The following ADGRD1 variants were observed in gnomAD, a reference collection of about 807,000 sequenced individuals.
The protein encoded by ADGRD1 is adhesion G protein-coupled receptor D1.
In ADGRD1, 77 loss-of-function variants were observed where a neutral mutation model predicts 113.4. That is an observed-to-expected ratio of 0.68 (90% CI 0.57 to 0.82). The LOEUF is 0.82. Among genes scored for constraint, ADGRD1 ranks in the 40% least tolerant of loss-of-function variants. The pLI is 0.00. For missense variants in ADGRD1, 1,036 were observed against 1,139.1 expected, an observed-to-expected ratio of 0.91 and a Z score of 1.30; for synonymous variants, 474 against 475.0, an observed-to-expected ratio of 1.00 and a Z score of 0.03.
At chr12:131,055,927 C>T (rs12825115) in intron 13 of ADGRD1, among the ~76,000 whole-genome samples, 13,737 of 152,106 alleles carry the variant, frequency 0.09, 859 homozygotes, top group Non-Finnish European at 0.13. Context: ...CAAACATGAC[C>T]GGTTATTATT....
At chr12:131,058,078 A>G (rs1430745859) in intron 13 of ADGRD1, among the ~76,000 whole-genome samples, 1 of 152,228 alleles carries the variant, frequency 6.6e-6, no homozygotes. Flanking sequence ...GAGGGGTTTC[A>G]GAGGTTACTC....
At chr12:131,095,540 T>G (rs1199878175) in intron 15 of ADGRD1, among the ~76,000 whole-genome samples, 1 of 152,056 alleles carries the variant, frequency 6.6e-6, no homozygotes, top group Non-Finnish European at 1.5e-5. Context: ...CCCTCAGAAT[T>G]GGGGTCTTAC....
At position 131,051,045 on chromosome 12, in the gene ADGRD1, G is replaced by A. The variant is rs187323105; in HGVS notation, c.1474-25756G>A. ...TAAACCATTCATGAGAACACCGCCC[G>A]CATGATCCAGTCACCTCCCAGCAGG... On this transcript the variant is annotated intron_variant, in intron 13 of 24. Transcript: ENST00000261654. Among the ~76,000 whole-genome samples the A allele has an allele frequency of 3.7e-3, 565 of 152,280 alleles. 2 individuals carry two copies. Among genetic ancestry groups the A allele is most frequent in the Non-Finnish European group, 6.9e-3 (471 of 68,024 alleles).
chr12:131,029,218 T>C (rs10848267), intron 13 of ADGRD1, among the ~76,000 whole-genome samples: 7,694 of 152,316 alleles, frequency 0.051, 391 homozygotes, highest in African/African-American at 0.13. Flanking sequence ...CCTGCTGCTG[T>C]AATCTACCAG....
At chr12:131,104,087 C>G (rs1392462191) in intron 15 of ADGRD1, among the ~76,000 whole-genome samples, 3 of 152,248 alleles carry the variant, frequency 2.0e-5, no homozygotes, top group African/African-American at 7.2e-5. Flanking sequence ...CAGGTGTGTT[C>G]TGTTCTGCCT....
chr12:131,007,699 C>T (rs917357441), intron 12 of ADGRD1, among the ~76,000 whole-genome samples: 6 of 152,240 alleles, frequency 3.9e-5, no homozygotes, highest in Admixed American at 6.5e-5. Flanking sequence ...ATCCCTGGTT[C>T]GTCAGCATTG....
chr12:131,050,975 C>T lies in ADGRD1; in HGVS notation c.1474-25826C>T, dbSNP rs1427148171. On this transcript the variant is annotated intron_variant, in intron 13 of 24. Transcript: ENST00000261654. This position sits in a 1 kb window ranked among gnomAD's most constrained non-coding sequence, Gnocchi z 4.8. ...TGTGTGCCCGGTTCCTAACAGGCCA[C>T]GGGCTGGTCCCGGTTCACGGCCCGG... 3.3e-5 allele frequency among the ~76,000 whole-genome samples: 5 copies of T among 152,328 alleles called. No homozygotes were observed. Among genetic ancestry groups the T allele is most frequent in the East Asian group, 1.9e-4 (1 of 5,180 alleles).
At chr12:131,020,172 C>CCCGA (rs1566036414) in intron 13 of ADGRD1, among the ~76,000 whole-genome samples, 18 of 122,474 alleles carry the variant, frequency 1.5e-4, no homozygotes, top group African/African-American at 5.3e-4. Context: ...GGGGCAGGAC[C>CCCGA]GCGAGCTCCA....
At chr12:131,092,494 T>C (rs1886976701) in intron 15 of ADGRD1, among the ~76,000 whole-genome samples, 1 of 152,192 alleles carries the variant, frequency 6.6e-6, no homozygotes, top group African/African-American at 2.4e-5. Context: ...TCGAGGAGCG[T>C]GTGGGAGGTT....
At chr12:131,077,220 G>A (rs915682117) in intron 14 of ADGRD1, among the ~76,000 whole-genome samples, 3 of 150,938 alleles carry the variant, frequency 2.0e-5, no homozygotes, top group African/African-American at 7.4e-5. Flanking sequence ...CCCCTCGAGG[G>A]TCTTGGAGCA....
chr12:131,118,264 C>T, intron 18 of ADGRD1, 121 bp from the exon 19 acceptor site: 1 of 692,648 alleles, frequency 1.4e-6, no homozygotes, highest in Non-Finnish European at 2.5e-6. Context: ...CACATAGTTC[C>T]CCCTCTGTAT....
intron 17 of ADGRD1, among the ~76,000 whole-genome samples, 164 bp from the exon 18 acceptor site, chr12:131,108,560 C>T (rs1950283255): frequency 2.0e-5 from 3 of 152,168 alleles, no homozygotes; most frequent in African/African-American, 7.2e-5. Flanking sequence ...TCAAGCGCTA[C>T]ACCCAAATCC....
chr12:131,047,206 G>A (rs972840214), intron 13 of ADGRD1, among the ~76,000 whole-genome samples: 4 of 152,256 alleles, frequency 2.6e-5, no homozygotes, highest in Admixed American at 6.5e-5. Context: ...CAGGGAGGAC[G>A]GAGCCCATTG....
chr12:130,999,248 A>G (rs118133974), intron 8 of ADGRD1, among the ~76,000 whole-genome samples: 2,085 of 152,228 alleles, frequency 0.014, 28 homozygotes, highest in Middle Eastern at 0.037. Flanking sequence ...TTGTTTGCAT[A>G]TTGTCTGTGG....
At chr12:131,058,844 A>G (rs1014423501) in intron 13 of ADGRD1, among the ~76,000 whole-genome samples, 2 of 151,970 alleles carry the variant, frequency 1.3e-5, no homozygotes, top group African/African-American at 4.8e-5. Context: ...TCTGGCAGTG[A>G]TTTGTTCAGG....
intron 13 of ADGRD1, among the ~76,000 whole-genome samples, chr12:131,043,541 T>A (rs986436847): frequency 1.3e-5 from 2 of 152,256 alleles, no homozygotes; most frequent in African/African-American, 4.8e-5. Flanking sequence ...CCCTGCAGGC[T>A]GCGTGTGGGC....
chr12:131,004,424 T>TCCCCCGGGCCGCCTGCGGTGCG, intron 11 of ADGRD1, 128 bp downstream of exon 11: 1 of 708,980 alleles, frequency 1.4e-6, no homozygotes, highest in South Asian at 1.7e-5. Flanking sequence ...CCTGCGGTGC[T>TCCCCCGGGCCGCCTGCGGTGCG]CCCCCGGACT....
intron 12 of ADGRD1, among the ~76,000 whole-genome samples, chr12:131,008,700 T>G (rs528277472): frequency 1.3e-5 from 2 of 152,212 alleles, no homozygotes; most frequent in Non-Finnish European, 2.9e-5. Context: ...TGATGGAGAC[T>G]GTTCAGCTTT....
chr12:131,078,791 G>A (rs1313174147), intron 14 of ADGRD1, among the ~76,000 whole-genome samples: 2 of 152,088 alleles, frequency 1.3e-5, no homozygotes, highest in African/African-American at 4.8e-5. Context: ...AATTCCTAGA[G>A]GCAGCCACCA....
Sources: gnomAD v4.1 joint callset for allele counts (sites outside exome capture counted in the v4.1 genomes callset) on GRCh38, gnomAD v4.1.1 for gene constraint, Gnocchi (gnomAD v3.1) non-coding constraint, MANE v1.5 for transcripts, NCBI Gene and HGNC (gene_info 2026-07-23, HGNC 2026-07-21) for gene names.